The following ADD2 variants were observed in gnomAD, a reference collection of about 807,000 sequenced individuals.
ADD2 encodes the protein adducin 2, also known as beta-adducin.
ADD2 carries 23 observed loss-of-function variants against 83.0 expected under a neutral mutation model. That is an observed-to-expected ratio of 0.28 (90% CI 0.20 to 0.39). The LOEUF (loss-of-function observed/expected upper bound fraction) is 0.39, where lower values mean the gene tolerates loss of function less well. ADD2 is among the 10% of genes least tolerant of loss of function. ADD2 has a pLI of 1.00. For missense variants in ADD2, 758 were observed against 944.9 expected (o/e 0.80, Z 2.59); for synonymous variants, 375 against 375.4 (o/e 1.00, Z 0.01).
chr2:70,741,613 T>C (rs1395258869), intron 1 of ADD2, among the ~76,000 whole-genome samples: 2 of 152,230 alleles, frequency 1.3e-5, no homozygotes, highest in African/African-American at 2.4e-5. Flanking sequence ...CAATAAAATA[T>C]GAACAAACGT....
chr2:70,738,673 T>C (rs1270326510), intron 1 of ADD2, among the ~76,000 whole-genome samples: 1 of 152,202 alleles, frequency 6.6e-6, no homozygotes, highest in African/African-American at 2.4e-5. Context: ...CAGATGTGGA[T>C]TCCAATGCTG....
At chr2:70,711,539 T>A (rs1380711786) in intron 2 of ADD2, among the ~76,000 whole-genome samples, 1 of 152,040 alleles carries the variant, frequency 6.6e-6, no homozygotes, top group Non-Finnish European at 1.5e-5. Flanking sequence ...CCTTGATTTT[T>A]AAAAAAACTC....
chr2:70,717,126 C>T (rs200459127), intron 1 of ADD2, among the ~76,000 whole-genome samples: 1 of 152,016 alleles, frequency 6.6e-6, no homozygotes, highest in Non-Finnish European at 1.5e-5. Context: ...CTAGGCCTGG[C>T]AAGCTCACTT....
At chr2:70,735,527 C>T (rs1179103199) in intron 1 of ADD2, among the ~76,000 whole-genome samples, 1 of 151,956 alleles carries the variant, frequency 6.6e-6, no homozygotes, top group East Asian at 1.9e-4. Context: ...CAAACCTCGA[C>T]CTCCACACCC....
At chr2:70,735,097 CT>C (rs2104479024) in intron 1 of ADD2, among the ~76,000 whole-genome samples, 1 of 152,162 alleles carries the variant, frequency 6.6e-6, no homozygotes, top group East Asian at 1.9e-4. Context: ...TTCACTTTTC[CT>C]AGTGCTTTTT....
Position 70,678,798 on chromosome 2 carries a change from T to TTC in ADD2, c.1287_1288dup (p.Lys430ArgfsTer35). The TTC allele has an allele frequency of 6.2e-7, 1 of 1,614,124 alleles. No homozygotes were observed. The highest frequency in any genetic ancestry group is 8.5e-7 in the Non-Finnish European group (1 of 1,179,998). ...GTTGGGCGTATTGAGCCAGCGGGTC[T>TTC]TCTCCTTCTGCTGCTTCTGGGCATG... On this transcript the variant is annotated frameshift_variant, in exon 11 of 16. Transcript: ENST00000264436. LOFTEE classifies it high-confidence loss of function.
intron 4 of ADD2, among the ~76,000 whole-genome samples, chr2:70,702,283 C>A (rs1321598357): frequency 1.3e-5 from 2 of 152,206 alleles, no homozygotes; most frequent in Non-Finnish European, 2.9e-5. Flanking sequence ...TCTCCCACCT[C>A]AGCCTCCCAA....
intron 1 of ADD2, among the ~76,000 whole-genome samples, chr2:70,714,681 C>G (rs17006175): frequency 0.26 from 39,929 of 152,082 alleles, 5,507 homozygotes; most frequent in African/African-American, 0.34. Flanking sequence ...CTTGATGCTG[C>G]CTTTCTCCAA....
chr2:70,668,379 T>C (rs1227887595), intron 15 of ADD2, among the ~76,000 whole-genome samples: 1 of 152,172 alleles, frequency 6.6e-6, no homozygotes, highest in East Asian at 1.9e-4. Context: ...AAGGTCTGGC[T>C]CAAGCCACAC....
At chr2:70,684,198 G>A (rs1670603903) in intron 9 of ADD2, among the ~76,000 whole-genome samples, 1 of 152,132 alleles carries the variant, frequency 6.6e-6, no homozygotes, top group Non-Finnish European at 1.5e-5. Flanking sequence ...GTAGGTATGG[G>A]TGTCTATTAT....
chr2:70,671,908 G>A (rs1669911343), intron 15 of ADD2, among the ~76,000 whole-genome samples: 1 of 152,168 alleles, frequency 6.6e-6, no homozygotes, highest in South Asian at 2.1e-4. Flanking sequence ...GTCTGGTGGG[G>A]GTCTCCGGGG....
At chr2:70,701,706 A>G (rs568983238) in intron 4 of ADD2, among the ~76,000 whole-genome samples, 1 of 152,262 alleles carries the variant, frequency 6.6e-6, no homozygotes, top group African/African-American at 2.4e-5. Context: ...TTATATGTAT[A>G]TATATATCTA....
chr2:70,734,130 T>C lies in ADD2; in HGVS notation c.-153-20946A>G, dbSNP rs1673408310. ...CTAGCACATCACTGGAGTTGGGGGC[T>C]CTATTAATGGCTCAAACCAACCATC... is the stretch of plus-strand genomic sequence containing the variant. On this transcript the variant is annotated intron_variant, in intron 1 of 15. Transcript: ENST00000264436. 4.6e-5 allele frequency among the ~76,000 whole-genome samples: 7 copies of C among 152,122 alleles called. No homozygotes were observed. The South Asian group carries it at 1.5e-3, about 32-fold the overall frequency.
At chr2:70,734,351 A>C (rs1673421017) in intron 1 of ADD2, among the ~76,000 whole-genome samples, 1 of 150,314 alleles carries the variant, frequency 6.7e-6, no homozygotes, top group African/African-American at 2.5e-5. Context: ...ATCTACCCCC[A>C]CCCCTCACCC....
Position 70,692,490 on chromosome 2 carries a change from G to C in ADD2, c.618C>G (p.Thr206=). 6.2e-7 allele frequency: 1 copy of C among 1,613,014 alleles called. No homozygotes were observed. The highest frequency in any genetic ancestry group is 8.5e-7 in the Non-Finnish European group (1 of 1,179,670). Residue 206 remains threonine (T), a synonymous_variant, in exon 7 of 16, where the codon ACC becomes ACG. Coordinates refer to ENST00000264436, the MANE Select transcript of ADD2 (RefSeq NM_001617.4). ...EKGSSCFPVD[T]TGFCLHSAIY... ...TGGCCGAGTGCAGACAGAAGCCTGT[G>C]GTGTCCACTGGGAAGCAGCTGCTGC...
At chr2:70,686,361 C>T (rs1670726631) in intron 9 of ADD2, among the ~76,000 whole-genome samples, 1 of 152,194 alleles carries the variant, frequency 6.6e-6, no homozygotes, top group South Asian at 2.1e-4. Context: ...AACAAGGTCT[C>T]AGCAAACCAA....
chr2:70,678,663 C>T, intron 11 of ADD2, 41 bp downstream of exon 11: 1 of 1,512,420 alleles, frequency 6.6e-7, no homozygotes, highest in Non-Finnish European at 8.8e-7. Context: ...CTAATGCAGC[C>T]TGCCCCTCTC....
intron 3 of ADD2, among the ~76,000 whole-genome samples, chr2:70,705,113 C>T (rs969312753): frequency 6.6e-6 from 1 of 152,172 alleles, no homozygotes; most frequent in Non-Finnish European, 1.5e-5. Flanking sequence ...CTATTTACTG[C>T]CTGAGCCCTG....
intron 9 of ADD2, among the ~76,000 whole-genome samples, chr2:70,685,645 G>A (rs531817619): frequency 2.4e-4 from 37 of 152,318 alleles, no homozygotes; most frequent in African/African-American, 4.8e-4. Flanking sequence ...CTTGTGAGAA[G>A]TCTTTAAGGT....
Sources: allele counts gnomAD v4.1 joint callset (sites outside exome capture counted in the v4.1 genomes callset), GRCh38; gene constraint gnomAD v4.1.1; transcripts MANE v1.5; gene names NCBI Gene and HGNC (gene_info 2026-07-23, HGNC 2026-07-21).